PTBP3: variants seen among roughly 807,000 people sequenced by gnomAD.
The protein encoded by PTBP3 is polypyrimidine tract binding protein 3, also known as polypyrimidine tract-binding protein 3.
Under a neutral mutation model 58.7 loss-of-function variants are expected in PTBP3, and 20 were observed. The observed-to-expected ratio is 0.34, with a 90% CI of 0.24 to 0.50. The LOEUF is 0.50. Ranked by LOEUF, PTBP3 falls within the 20% of genes least tolerant of loss-of-function variation. PTBP3 has a pLI of 0.98. For missense variants in PTBP3, 509 were observed against 637.2 expected (o/e 0.80, Z 2.17); for synonymous variants, 185 against 219.8 (o/e 0.84, Z 1.40).
upstream of PTBP3, among the ~76,000 whole-genome samples, chr9:112,334,891 G>A (rs1830538223): frequency 1.3e-5 from 2 of 152,110 alleles, no homozygotes; most frequent in Admixed American, 1.3e-4. Context: ...AGAGTAATTC[G>A]GTGAGGTAAT....
chr9:112,348,247 T>C, the PTBP3 span, among the ~76,000 whole-genome samples: 1 of 152,200 alleles, frequency 6.6e-6, no homozygotes, highest in Non-Finnish European at 1.5e-5. Flanking sequence ...GTCAGGCAGT[T>C]GGTAAATTAT....
At chr9:112,278,994 T>A (rs545837812) in intron 2 of PTBP3, among the ~76,000 whole-genome samples, 4 of 152,176 alleles carry the variant, frequency 2.6e-5, no homozygotes, top group Non-Finnish European at 5.9e-5. Context: ...GATGTCCTTA[T>A]TTGCCATAAT....
the PTBP3 span, among the ~76,000 whole-genome samples, chr9:112,349,139 G>T: frequency 1.3e-5 from 2 of 152,074 alleles, no homozygotes; most frequent in Non-Finnish European, 2.9e-5. Flanking sequence ...CCTCTAGGTA[G>T]CCTCAGTATG....
intron 2 of PTBP3, among the ~76,000 whole-genome samples, chr9:112,278,567 C>G (rs1484828749): frequency 6.6e-6 from 1 of 152,208 alleles, no homozygotes; most frequent in Non-Finnish European, 1.5e-5. Flanking sequence ...GAATACCGAA[C>G]AAGTTACCCA....
intron 1 of PTBP3, among the ~76,000 whole-genome samples, chr9:112,305,541 T>C (rs914432821): frequency 3.9e-5 from 6 of 152,182 alleles, no homozygotes; most frequent in African/African-American, 1.4e-4. Context: ...GGGGAAGTAA[T>C]GTGTCCACTC....
At chr9:112,353,120 C>G in the PTBP3 span, among the ~76,000 whole-genome samples, 1 of 152,128 alleles carries the variant, frequency 6.6e-6, no homozygotes, top group Non-Finnish European at 1.5e-5. Context: ...AGGCTGGTCT[C>G]AAACTCCTGA....
intron 3 of PTBP3, 57 bp downstream of exon 3, chr9:112,275,787 C>T: frequency 7.3e-7 from 1 of 1,367,994 alleles, no homozygotes; most frequent in Non-Finnish European, 1.0e-6. Context: ...TAAAAATTAT[C>T]AGTAATACTA....
the PTBP3 span, among the ~76,000 whole-genome samples, chr9:112,364,702 A>C: frequency 2.0e-5 from 3 of 152,220 alleles, no homozygotes; most frequent in African/African-American, 7.2e-5. Context: ...CAGAGACACA[A>C]AGTGAGGACA....
intron 6 of PTBP3, among the ~76,000 whole-genome samples, chr9:112,251,434 A>G (rs1197831779): frequency 6.6e-6 from 1 of 152,146 alleles, no homozygotes; most frequent in Admixed American, 6.6e-5. Context: ...TATTTTGCCT[A>G]TATCAAAAGT....
At chr9:112,347,488 T>C in the PTBP3 span, among the ~76,000 whole-genome samples, 2 of 152,028 alleles carry the variant, frequency 1.3e-5, no homozygotes, top group Non-Finnish European at 1.5e-5. Flanking sequence ...ACTACAGGCA[T>C]GTGCCACCAC....
intron 2 of PTBP3, among the ~76,000 whole-genome samples, chr9:112,283,556 T>A (rs892925167): frequency 6.6e-6 from 1 of 152,184 alleles, no homozygotes; most frequent in Non-Finnish European, 1.5e-5. Flanking sequence ...AAGTGTTCAA[T>A]AGGTGATAGA....
intron 1 of PTBP3, among the ~76,000 whole-genome samples, chr9:112,309,379 C>T (rs1332883480): frequency 1.3e-5 from 2 of 152,104 alleles, no homozygotes; most frequent in East Asian, 1.9e-4. Flanking sequence ...TTTCACTATA[C>T]CATATGCATG....
the PTBP3 span, among the ~76,000 whole-genome samples, chr9:112,365,441 G>A: frequency 2.6e-5 from 4 of 152,126 alleles, no homozygotes; most frequent in Non-Finnish European, 5.9e-5. Flanking sequence ...ACACTCTTTC[G>A]CTTTGTCTGC....
At chr9:112,321,785 C>T (rs915525405) in intron 1 of PTBP3, among the ~76,000 whole-genome samples, 2 of 152,118 alleles carry the variant, frequency 1.3e-5, no homozygotes, top group African/African-American at 4.8e-5. Context: ...ACCCTCAGAG[C>T]CTGTAGTCCT....
chr9:112,236,201 A>C (rs1399951536), intron 7 of PTBP3, among the ~76,000 whole-genome samples: 1 of 152,120 alleles, frequency 6.6e-6, no homozygotes, highest in Non-Finnish European at 1.5e-5. Context: ...ATTCAAGAAA[A>C]TACCGTCACA....
In PTBP3 at chr9:112,230,276, T is replaced by C. The variant is rs73533699; in HGVS notation, c.1054+1104A>G. Reference sequence around the variant, plus strand: ...AAGAGTTTGAGACTACAGTGAGCTATGATCACACCACTGCACTCCAGCCTG... The same window carrying C: ...AAGAGTTTGAGACTACAGTGAGCTACGATCACACCACTGCACTCCAGCCTG... On this transcript the variant is annotated intron_variant, in intron 10 of 13. Coordinates refer to ENST00000374257, the MANE Select transcript of PTBP3 (RefSeq NM_001163788.4). Among the ~76,000 whole-genome samples, 1,238 of 152,152 alleles carry C rather than the reference T, an allele frequency of 8.1e-3. 18 individuals carry two copies. Among genetic ancestry groups the C allele is most frequent in the African/African-American group, 0.025 (1,024 of 41,486 alleles).
At chr9:112,244,472 T>C (rs1294320205) in intron 7 of PTBP3, among the ~76,000 whole-genome samples, 1 of 151,500 alleles carries the variant, frequency 6.6e-6, no homozygotes, top group Non-Finnish European at 1.5e-5. Context: ...CCAGGAGTTT[T>C]AGACCAATCT....
intron 5 of PTBP3, among the ~76,000 whole-genome samples, chr9:112,259,618 T>C (rs1160744533): frequency 6.6e-6 from 1 of 152,196 alleles, no homozygotes; most frequent in Non-Finnish European, 1.5e-5. Context: ...ACTTCCTTCA[T>C]CTAAAATAGC....
chr9:112,295,533 T>G (rs10981347), intron 2 of PTBP3, among the ~76,000 whole-genome samples: 125,276 of 148,960 alleles, frequency 0.84, 52,897 homozygotes, highest in African/African-American at 0.92. Flanking sequence ...CTAGCTATAA[T>G]GAAGAACAGA....
Sources: gnomAD v4.1 joint callset for allele counts (sites outside exome capture counted in the v4.1 genomes callset) on GRCh38, gnomAD v4.1.1 for gene constraint, MANE v1.5 for transcripts, NCBI Gene and HGNC (gene_info 2026-07-23, HGNC 2026-07-21) for gene names.